The following KCMF1 variants were observed in gnomAD, a reference collection of about 807,000 sequenced individuals.
KCMF1 encodes the protein E3 ubiquitin-protein ligase KCMF1.
In KCMF1, 3 loss-of-function variants were observed where a neutral mutation model predicts 41.1. The observed-to-expected ratio is 0.07, with a 90% CI of 0.03 to 0.19. The LOEUF is 0.19. Among genes scored for constraint, KCMF1 ranks in the 10% least tolerant of loss-of-function variants. The pLI is 1.00. For synonymous variants in KCMF1, 142 were observed against 164.5 expected (o/e 0.86, Z 1.04); for missense variants, 286 against 488.9 (o/e 0.58, Z 3.91).
chr2:85,026,826 A>G (rs1169527370), intron 1 of KCMF1, among the ~76,000 whole-genome samples: 7 of 152,132 alleles, frequency 4.6e-5, no homozygotes, highest in African/African-American at 9.7e-5. Flanking sequence ...TGATGCCCCA[A>G]TTCTGATATG....
chr2:85,003,485 A>C (rs921951626), intron 1 of KCMF1, among the ~76,000 whole-genome samples: 1 of 152,070 alleles, frequency 6.6e-6, no homozygotes, highest in African/African-American at 2.4e-5. Context: ...CTCAAAAAAA[A>C]AAATAAGTCT....
At chr2:84,995,323 T>G (rs1674149975) in intron 1 of KCMF1, among the ~76,000 whole-genome samples, 1 of 152,148 alleles carries the variant, frequency 6.6e-6, no homozygotes, top group Non-Finnish European at 1.5e-5. Flanking sequence ...GCCTGGCCAA[T>G]TTTATTATTT....
intron 1 of KCMF1, among the ~76,000 whole-genome samples, chr2:84,975,242 C>CA (rs113939570): frequency 0.019 from 2,784 of 146,982 alleles, 72 homozygotes; most frequent in African/African-American, 0.065. Flanking sequence ...AATCCATCTC[C>CA]AAAAAAAAAA....
In KCMF1 at chr2:85,053,667, A is replaced by AATAC. The variant is rs1359520465; in HGVS notation, c.*259_*262dup. 5.3e-6 allele frequency: 2 copies of AATAC among 374,670 alleles called. No homozygotes were observed. Among genetic ancestry groups the AATAC allele is most frequent in the South Asian group, 5.3e-5 (1 of 18,886 alleles). The allele number at this position is 374,670 out of a possible 1,614,324, so 23.2% of individuals were successfully genotyped here. The stretch of plus-strand genomic sequence containing the variant: ...ACCTTGACATGCAAAAGGCTCTCCT[A>AATAC]ATACTCCACATTCAAACTGAAGAGG... On this transcript the variant is annotated 3_prime_UTR_variant, in exon 7 of 7. Transcript: ENST00000409785.
Position 85,054,933 on chromosome 2 carries a change from A to T in KCMF1, c.*1524A>T, listed in dbSNP as rs934801258. Reference sequence around the variant, plus strand: ...TGTTCTTCCGAGAACTGTGAAGTCCATGTTCATCCAAATGTAACCAAAAAA... The same window carrying T: ...TGTTCTTCCGAGAACTGTGAAGTCCTTGTTCATCCAAATGTAACCAAAAAA... On this transcript the variant is annotated 3_prime_UTR_variant, in exon 7 of 7. Coordinates refer to ENST00000409785, the MANE Select transcript of KCMF1 (RefSeq NM_020122.5). The T allele has an allele frequency of 6.6e-6, 1 of 152,208 alleles. No homozygotes were observed. The highest frequency in any genetic ancestry group is 2.4e-5 in the African/African-American group (1 of 41,460). The allele number at this position is 152,208 out of a possible 1,614,324, so 9.4% of individuals were successfully genotyped here.
chr2:85,003,489 TAA>T (rs946542891), intron 1 of KCMF1, among the ~76,000 whole-genome samples: 4 of 151,494 alleles, frequency 2.6e-5, no homozygotes, highest in African/African-American at 7.3e-5. Flanking sequence ...AAAAAAAAAA[TAA>T]GTCTTGTTTT....
intron 1 of KCMF1, among the ~76,000 whole-genome samples, chr2:84,976,938 T>C (rs1187193717): frequency 1.3e-5 from 2 of 152,204 alleles, no homozygotes; most frequent in African/African-American, 4.8e-5. Flanking sequence ...ATGTATACAT[T>C]GTAGAATGGC....
intron 1 of KCMF1, among the ~76,000 whole-genome samples, chr2:84,974,184 ATTCTCTGTAG>A (rs1424290713): frequency 1.3e-5 from 2 of 151,760 alleles, no homozygotes; most frequent in African/African-American, 4.9e-5. Context: ...CCACCTCCAA[ATTCTCTGTAG>A]TTCTCATTTC....
rs200921684 is a variant in KCMF1 at position 85,027,884 on chromosome 2, T to A, written c.17-5T>A. The stretch of plus-strand genomic sequence containing the variant: ...GGTAACTAAAGATATTTCTTTTTTT[T>A]ATAGGTGTCAGCTGTGATGCATGTT... On this transcript the variant is annotated splice_polypyrimidine_tract_variant and splice_region_variant and intron_variant, in intron 1 of 6. Transcript: ENST00000409785. The A allele has an allele frequency of 3.8e-5, 60 of 1,580,316 alleles. 1 individual carries two copies. The highest frequency in any genetic ancestry group is 2.3e-4 in the African/African-American group (17 of 73,286).
chr2:84,988,282 G>A (rs1239285399), intron 1 of KCMF1, among the ~76,000 whole-genome samples: 1 of 151,784 alleles, frequency 6.6e-6, no homozygotes, highest in African/African-American at 2.4e-5. Flanking sequence ...AAGTAGAGTA[G>A]ATGAAGAGGC....
At chr2:85,049,853 T>G (rs1457626904) in intron 6 of KCMF1, among the ~76,000 whole-genome samples, 1 of 152,172 alleles carries the variant, frequency 6.6e-6, no homozygotes, top group East Asian at 1.9e-4. Flanking sequence ...TTAAGAATAC[T>G]GGGCCAGACC....
At chr2:84,990,042 T>C (rs1355834258) in intron 1 of KCMF1, among the ~76,000 whole-genome samples, 1 of 152,176 alleles carries the variant, frequency 6.6e-6, no homozygotes, top group East Asian at 1.9e-4. Context: ...CTTAAGAAGA[T>C]GATTTTCCTG....
At chr2:84,980,830 A>G (rs1175599698) in intron 1 of KCMF1, among the ~76,000 whole-genome samples, 1 of 151,904 alleles carries the variant, frequency 6.6e-6, no homozygotes, top group African/African-American at 2.4e-5. Flanking sequence ...TTGTAGAGAT[A>G]GGGTCTCATT....
intron 1 of KCMF1, among the ~76,000 whole-genome samples, chr2:84,994,831 T>C (rs865913748): frequency 6.6e-6 from 1 of 152,240 alleles, no homozygotes; most frequent in African/African-American, 2.4e-5. Context: ...GATAGGTCCT[T>C]TAAAATGTCT....
chr2:85,052,676 AG>A (rs1415508455), intron 6 of KCMF1, among the ~76,000 whole-genome samples: 2 of 152,232 alleles, frequency 1.3e-5, no homozygotes, highest in Non-Finnish European at 2.9e-5. Context: ...TATACCAAGA[AG>A]AATTAAATAG....
chr2:84,977,469 G>A (rs574549389), intron 1 of KCMF1, among the ~76,000 whole-genome samples: 46 of 152,024 alleles, frequency 3.0e-4, no homozygotes, highest in African/African-American at 9.9e-4. Context: ...GGTCTCTGTC[G>A]CCCATGCTGC....
rs1290118396 is a variant in KCMF1 at position 85,058,551 on chromosome 2, T to A, written c.*5142T>A. On this transcript the variant is annotated 3_prime_UTR_variant, in exon 7 of 7. Coordinates refer to ENST00000409785, the MANE Select transcript of KCMF1 (RefSeq NM_020122.5). ...GACAGTGCATGTAGCCTGTAGAATGTTGGCTCCTCTGTCTATAGAAACCAT... is the reference window on the plus strand; with the variant it reads ...GACAGTGCATGTAGCCTGTAGAATGATGGCTCCTCTGTCTATAGAAACCAT... 1.3e-5 allele frequency: 2 copies of A among 152,252 alleles called. No homozygotes were observed. The highest frequency in any genetic ancestry group is 2.9e-5 in the Non-Finnish European group (2 of 68,054). The allele number at this position is 152,252 out of a possible 1,614,324, so 9.4% of individuals were successfully genotyped here. A position where few individuals can be genotyped will look rare whatever the true frequency, so the allele number is the denominator to read the frequency against.
intron 1 of KCMF1, among the ~76,000 whole-genome samples, chr2:84,976,059 T>G (rs1035631493): frequency 6.6e-6 from 1 of 152,164 alleles, no homozygotes. Flanking sequence ...TTTACGTAGC[T>G]TCCACAGTGC....
At chr2:85,000,794 T>A (rs1057318674) in intron 1 of KCMF1, among the ~76,000 whole-genome samples, 1 of 142,464 alleles carries the variant, frequency 7.0e-6, no homozygotes, top group South Asian at 2.1e-4. Context: ...TTTTTTTTTT[T>A]AAGAGTCAGG....
Sources: allele counts gnomAD v4.1 joint callset (sites outside exome capture counted in the v4.1 genomes callset), GRCh38; gene constraint gnomAD v4.1.1; transcripts MANE v1.5; gene names NCBI Gene and HGNC (gene_info 2026-07-23, HGNC 2026-07-21).